C1GALT1: variants seen among roughly 807,000 people sequenced by gnomAD.
C1GALT1 encodes core 1 synthase, glycoprotein-N-acetylgalactosamine 3-beta-galactosyltransferase 1.
A neutral mutation model predicts 31.0 loss-of-function variants in C1GALT1; 11 were observed. That is an observed-to-expected ratio of 0.36 (90% confidence interval 0.22 to 0.59). The LOEUF is 0.59. Ranked by LOEUF, C1GALT1 falls within the 20% of genes least tolerant of loss-of-function variation. C1GALT1 has a pLI of 0.79. For synonymous variants in C1GALT1, 175 were observed against 143.6 expected, an observed-to-expected ratio of 1.22 and a Z score of -1.56; for missense variants, 424 against 425.2, an observed-to-expected ratio of 1.00 and a Z score of 0.03.
chr7:7,181,275 G>GAA (rs1780581491), upstream of C1GALT1, among the ~76,000 whole-genome samples: 19 of 84,322 alleles, frequency 2.3e-4, no homozygotes, highest in African/African-American at 5.3e-4. Flanking sequence ...GGTGGAGGGG[G>GAA]AGGAGGCTGA....
intron 1 of C1GALT1, among the ~76,000 whole-genome samples, chr7:7,223,028 C>T (rs1053950992): frequency 6.6e-6 from 1 of 152,044 alleles, no homozygotes; most frequent in African/African-American, 2.4e-5. Flanking sequence ...TCTCCTATCC[C>T]CCTCTCCATT....
At chr7:7,221,292 C>T (rs374303878) in intron 1 of C1GALT1, among the ~76,000 whole-genome samples, 3 of 151,886 alleles carry the variant, frequency 2.0e-5, no homozygotes, top group African/African-American at 7.3e-5. Flanking sequence ...TTGAGGTTTT[C>T]AATTTTCTTA....
At chr7:7,184,507 T>C (rs959267205) in intron 1 of C1GALT1, among the ~76,000 whole-genome samples, 1 of 152,220 alleles carries the variant, frequency 6.6e-6, no homozygotes, top group Non-Finnish European at 1.5e-5. Flanking sequence ...TATTTCAGGG[T>C]ACACATAATG....
At chr7:7,177,050 A>G (rs1297215417) in intron 2 of C1GALT1, among the ~76,000 whole-genome samples, 1 of 152,218 alleles carries the variant, frequency 6.6e-6, no homozygotes, top group Non-Finnish European at 1.5e-5. Flanking sequence ...GATCATCCAC[A>G]ACAACAAACA....
intron 1 of C1GALT1, among the ~76,000 whole-genome samples, chr7:7,213,079 CAGT>C (rs1242342384): frequency 2.0e-5 from 3 of 152,196 alleles, no homozygotes; most frequent in Non-Finnish European, 2.9e-5. Context: ...TTTTTGAGTG[CAGT>C]CCACTTAGTT....
chr7:7,174,256 T>G (rs1160447359), intron 2 of C1GALT1, among the ~76,000 whole-genome samples: 1 of 152,192 alleles, frequency 6.6e-6, no homozygotes, highest in Non-Finnish European at 1.5e-5. Flanking sequence ...GCATAGGAAT[T>G]CTGAAGGGTA....
intron 2 of C1GALT1, among the ~76,000 whole-genome samples, chr7:7,173,705 C>T (rs1780477334): frequency 6.6e-6 from 1 of 152,106 alleles, no homozygotes; most frequent in Admixed American, 6.5e-5. Context: ...AGTTGAAGAC[C>T]AGTCTGCGCA....
In C1GALT1 at chr7:7,234,351, C is replaced by T; in HGVS notation, c.32C>T (p.Thr11Ile). MASKSWLNFL[T>I]FLCGSAIGFL... is the part of the protein sequence containing the mutation. Reference sequence around the variant, plus strand: ...TCTAAATCCTGGCTGAATTTTTTAACCTTCCTCTGTGGATCAGCAATAGGA... The same window carrying T: ...TCTAAATCCTGGCTGAATTTTTTAATCTTCCTCTGTGGATCAGCAATAGGA... Residue 11 changes from threonine (T) to isoleucine (I), a missense_variant, in exon 2 of 4, where the codon ACC (threonine) becomes ATC (isoleucine). Thr to Ile is a moderately conservative substitution (Grantham distance 89). Transcript: ENST00000436587. The T allele has an allele frequency of 2.5e-6, 4 of 1,613,830 alleles. No individual in the cohort carries two copies. The highest frequency in any genetic ancestry group is 1.1e-5 in the South Asian group (1 of 91,010).
chr7:7,236,850 A>G (rs911532446), intron 2 of C1GALT1, among the ~76,000 whole-genome samples: 8 of 152,128 alleles, frequency 5.3e-5, no homozygotes, highest in Admixed American at 4.6e-4. Context: ...TTTATGTTCC[A>G]CCCAGCTTTT....
chr7:7,182,231 GAC>G (rs557517738), upstream of C1GALT1, among the ~76,000 whole-genome samples: 69 of 152,284 alleles, frequency 4.5e-4, no homozygotes, highest in African/African-American at 1.6e-3. Flanking sequence ...CTGTACCTCA[GAC>G]AAAGGTCCTT....
intron 3 of C1GALT1, among the ~76,000 whole-genome samples, chr7:7,242,811 C>G (rs569990467): frequency 6.6e-6 from 1 of 152,130 alleles, no homozygotes; most frequent in South Asian, 2.1e-4. Context: ...ACCTTAGGGC[C>G]ACCTGATATG....
At chr7:7,179,296 A>G (rs1000764059), upstream of C1GALT1, among the ~76,000 whole-genome samples, 1 of 152,242 alleles carries the variant, frequency 6.6e-6, no homozygotes, top group African/African-American at 2.4e-5. Flanking sequence ...ATACAGTCCA[A>G]ACTCAAGGTG....
At chr7:7,178,620 A>C (rs886795716), upstream of C1GALT1, among the ~76,000 whole-genome samples, 4 of 152,220 alleles carry the variant, frequency 2.6e-5, no homozygotes, top group South Asian at 2.1e-4. Flanking sequence ...TTCACACTAC[A>C]TCTCTCTATA....
chr7:7,209,346 C>T (rs1401549990), intron 1 of C1GALT1: 4 of 152,178 alleles, frequency 2.6e-5, no homozygotes, highest in South Asian at 2.1e-4. Context: ...GTATTTTTTC[C>T]GAAGATGGCC....
intron 1 of C1GALT1, among the ~76,000 whole-genome samples, chr7:7,201,121 C>G (rs563176064): frequency 3.9e-5 from 6 of 152,168 alleles, no homozygotes; most frequent in Non-Finnish European, 8.8e-5. Flanking sequence ...TGGTTTCTCC[C>G]CATCTTTGTG....
At chr7:7,220,610 C>T (rs1411536556) in intron 1 of C1GALT1, among the ~76,000 whole-genome samples, 1 of 151,378 alleles carries the variant, frequency 6.6e-6, no homozygotes, top group African/African-American at 2.4e-5. Flanking sequence ...CAAGCTCCAC[C>T]TCCTGGGTTC....
intron 2 of C1GALT1, among the ~76,000 whole-genome samples, chr7:7,177,015 A>G (rs1211569875): frequency 6.6e-6 from 1 of 152,202 alleles, no homozygotes; most frequent in Non-Finnish European, 1.5e-5. Flanking sequence ...TCTTCCCCCT[A>G]GAGTTCTTCT....
intron 1 of C1GALT1, among the ~76,000 whole-genome samples, chr7:7,200,384 C>A (rs1000959524): frequency 2.0e-5 from 3 of 152,204 alleles, no homozygotes; most frequent in Non-Finnish European, 4.4e-5. Flanking sequence ...TCTCTTCTGG[C>A]TTGTAGAGTT....
At chr7:7,178,406 CTG>C (rs1331830877), upstream of C1GALT1, 2 of 206,058 alleles carry the variant, frequency 9.7e-6, no homozygotes, top group East Asian at 2.3e-4. Context: ...ATGAGTCAAT[CTG>C]TAATTTGCTT....
Sources: gnomAD v4.1 joint callset for allele counts (sites outside exome capture counted in the v4.1 genomes callset) on GRCh38, gnomAD v4.1.1 for gene constraint, MANE v1.5 for transcripts, NCBI Gene and HGNC (gene_info 2026-07-23, HGNC 2026-07-21) for gene names.